Variants in PDSS2 observed in about 807,000 individuals in gnomAD.
The protein encoded by PDSS2 is decaprenyl diphosphate synthase subunit 2.
PDSS2 carries 31 observed loss-of-function variants against 44.5 expected under a neutral mutation model. That is an observed-to-expected ratio of 0.70 (90% CI 0.52 to 0.94). The LOEUF is 0.94. Ranked by LOEUF, PDSS2 falls within the 40% of genes least tolerant of loss-of-function variation. The pLI is 0.00. For missense variants in PDSS2, 452 were observed against 482.2 expected (o/e 0.94, Z 0.59); for synonymous variants, 157 against 180.3 (o/e 0.87, Z 1.03).
At chr6:107,284,121 A>T (rs1776060922) in intron 2 of PDSS2, among the ~76,000 whole-genome samples, 1 of 152,026 alleles carries the variant, frequency 6.6e-6, no homozygotes, top group Non-Finnish European at 1.5e-5. Context: ...AGATAAAAAG[A>T]CAATGGAGCC....
At chr6:107,317,475 T>C (rs1045160719) in intron 2 of PDSS2, among the ~76,000 whole-genome samples, 1 of 152,162 alleles carries the variant, frequency 6.6e-6, no homozygotes, top group Non-Finnish European at 1.5e-5. Flanking sequence ...TAAAGGCTTC[T>C]TCTGTATGTG....
chr6:107,207,608 CTTTTTTT>C lies in PDSS2; in HGVS notation c.1008+2824_1008+2830del, dbSNP rs777686277. ...GATTAAAATAAACTCAGTAAAGTGT[CTTTTTTT>C]TTTTTTTTTTTTGTGAGACAGAGTC... On this transcript the variant is annotated intron_variant, in intron 6 of 7. Transcript: ENST00000369037. Among the ~76,000 whole-genome samples the C allele has an allele frequency of 1.5e-3, 170 of 110,400 alleles. 2 individuals carry two copies. Among genetic ancestry groups the C allele is most frequent in the African/African-American group, 5.8e-3 (167 of 28,748 alleles). 72.4% of individuals were successfully genotyped at this position (110,400 alleles called of 152,430 possible). A position where few individuals can be genotyped will look rare whatever the true frequency, so the allele number is the denominator to read the frequency against.
chr6:107,438,302 G>A (rs1583085842), intron 1 of PDSS2, among the ~76,000 whole-genome samples: 1 of 152,080 alleles, frequency 6.6e-6, no homozygotes, highest in East Asian at 1.9e-4. Flanking sequence ...TCCACCCCCA[G>A]GGTTCAAGTG....
chr6:107,388,840 C>T (rs1583024027), intron 1 of PDSS2, among the ~76,000 whole-genome samples: 3 of 152,180 alleles, frequency 2.0e-5, no homozygotes, highest in East Asian at 1.9e-4. Context: ...AATGGGTAAA[C>T]AAATTGTGGT....
At chr6:107,371,885 A>G (rs1232715369) in intron 1 of PDSS2, among the ~76,000 whole-genome samples, 1 of 152,218 alleles carries the variant, frequency 6.6e-6, no homozygotes, top group African/African-American at 2.4e-5. Context: ...GTATTATCTC[A>G]TGTAATCTTT....
chr6:107,341,549 A>AAGAAG lies in PDSS2; in HGVS notation c.297-7222_297-7218dup, dbSNP rs576341931. 1.3e-3 allele frequency among the ~76,000 whole-genome samples: 194 copies of AAGAAG among 151,364 alleles called. 1 individual carries two copies. The highest frequency in any genetic ancestry group is 4.3e-3 in the Admixed American group (66 of 15,268). On this transcript the variant is annotated intron_variant, in intron 1 of 7. Transcript: ENST00000369037. ...AGCTTTTAGGTGAGAGAGAAAAGAA[A>AAGAAG]AGAAGAGAAGGGAAGGGAATCTTGG...
At chr6:107,438,969 T>C (rs1433327978) in intron 1 of PDSS2, among the ~76,000 whole-genome samples, 1 of 152,176 alleles carries the variant, frequency 6.6e-6, no homozygotes, top group Non-Finnish European at 1.5e-5. Context: ...GAAGGACTAT[T>C]ATGGTAAGAG....
At chr6:107,303,901 T>A (rs545530916) in intron 2 of PDSS2, among the ~76,000 whole-genome samples, 1 of 152,296 alleles carries the variant, frequency 6.6e-6, no homozygotes, top group East Asian at 1.9e-4. Context: ...AATGAGTTAT[T>A]TTACTTTCAA....
intron 1 of PDSS2, among the ~76,000 whole-genome samples, chr6:107,364,232 G>C (rs541429844): frequency 6.6e-6 from 1 of 152,322 alleles, no homozygotes; most frequent in East Asian, 1.9e-4. Flanking sequence ...CCAGTCCTGC[G>C]CCGTGCGCTC....
chr6:107,394,289 AT>A (rs1157464719), intron 1 of PDSS2, among the ~76,000 whole-genome samples: 1 of 152,170 alleles, frequency 6.6e-6, no homozygotes. Flanking sequence ...TGGGTAATTT[AT>A]AAGAAAAGTG....
chr6:107,192,901 A>G (rs1207453839), intron 7 of PDSS2, among the ~76,000 whole-genome samples: 1 of 152,084 alleles, frequency 6.6e-6, no homozygotes, highest in African/African-American at 2.4e-5. Flanking sequence ...TCAGCTCTGG[A>G]GAGGCCCTTG....
chr6:107,236,508 T>C (rs1318212378), intron 4 of PDSS2, among the ~76,000 whole-genome samples: 2 of 152,152 alleles, frequency 1.3e-5, no homozygotes, highest in Non-Finnish European at 2.9e-5. Context: ...AGACCTGTCT[T>C]ATAAGCAAGG....
chr6:107,449,101 A>G (rs1383336055), intron 1 of PDSS2, among the ~76,000 whole-genome samples: 1 of 152,116 alleles, frequency 6.6e-6, no homozygotes, highest in African/African-American at 2.4e-5. Flanking sequence ...TCACCACCAC[A>G]AGACTCCCAA....
intron 1 of PDSS2, among the ~76,000 whole-genome samples, chr6:107,390,386 C>A (rs1779742779): frequency 6.6e-6 from 1 of 152,088 alleles, no homozygotes; most frequent in African/African-American, 2.4e-5. Context: ...TCTACATAAG[C>A]AAACCCAAAC....
At chr6:107,171,558 C>T (rs1356603160) in intron 7 of PDSS2, among the ~76,000 whole-genome samples, 2 of 151,990 alleles carry the variant, frequency 1.3e-5, no homozygotes, top group Non-Finnish European at 2.9e-5. Context: ...ATCACCTAGG[C>T]TGGAGTGCAG....
At chr6:107,168,167 T>C (rs1440200061) in intron 7 of PDSS2, among the ~76,000 whole-genome samples, 2 of 152,238 alleles carry the variant, frequency 1.3e-5, no homozygotes, top group Non-Finnish European at 2.9e-5. Flanking sequence ...GCTCCTGTAT[T>C]GGGTGCATAT....
At chr6:107,354,146 G>A (rs1257327208) in intron 1 of PDSS2, among the ~76,000 whole-genome samples, 2 of 151,986 alleles carry the variant, frequency 1.3e-5, no homozygotes, top group Non-Finnish European at 1.5e-5. Flanking sequence ...TGAAGATCTT[G>A]AACAGTGAAG....
At chr6:107,188,197 G>A (rs1407390815) in intron 7 of PDSS2, among the ~76,000 whole-genome samples, 1 of 152,154 alleles carries the variant, frequency 6.6e-6, no homozygotes, top group Non-Finnish European at 1.5e-5. Flanking sequence ...GAGCAATGTG[G>A]TAAAACCCCA....
chr6:107,414,354 A>C (rs2114668460), intron 1 of PDSS2, among the ~76,000 whole-genome samples: 1 of 152,384 alleles, frequency 6.6e-6, no homozygotes, highest in East Asian at 1.9e-4. Flanking sequence ...CAGATCCAGA[A>C]AATACTGCCA....
Sources: allele counts gnomAD v4.1 joint callset (sites outside exome capture counted in the v4.1 genomes callset), GRCh38; gene constraint gnomAD v4.1.1; transcripts MANE v1.5; gene names NCBI Gene and HGNC (gene_info 2026-07-23, HGNC 2026-07-21).